Variants in SINHCAF observed in about 807,000 individuals in gnomAD.
SINHCAF encodes the protein SIN3-HDAC complex-associated factor.
Under a neutral mutation model 25.8 loss-of-function variants are expected in SINHCAF, and 3 were observed. The observed-to-expected ratio is 0.12, with a 90% CI of 0.05 to 0.30. SINHCAF has a LOEUF of 0.30. Ranked by LOEUF, SINHCAF falls within the 10% of genes least tolerant of loss-of-function variation. The pLI is 1.00. For missense variants in SINHCAF, 121 were observed against 262.3 expected, an observed-to-expected ratio of 0.46 and a Z score of 3.72; for synonymous variants, 70 against 85.5, an observed-to-expected ratio of 0.82 and a Z score of 1.00.
intron 4 of SINHCAF, among the ~76,000 whole-genome samples, chr12:31,288,069 C>G (rs1938150704): frequency 6.6e-6 from 1 of 152,058 alleles, no homozygotes; most frequent in Non-Finnish European, 1.5e-5. Context: ...TGATGATCAT[C>G]TAGGGAGCTC....
chr12:31,296,290 CTAG>C (rs1432586634), intron 2 of SINHCAF, among the ~76,000 whole-genome samples: 2 of 151,998 alleles, frequency 1.3e-5, no homozygotes, highest in African/African-American at 4.8e-5. Flanking sequence ...CTCAGCCTCC[CTAG>C]TAGCTGGGAC....
intron 5 of SINHCAF, among the ~76,000 whole-genome samples, chr12:31,284,706 C>T (rs1937961603): frequency 6.6e-6 from 1 of 152,124 alleles, no homozygotes; most frequent in Non-Finnish European, 1.5e-5. Context: ...ATTGAACAGA[C>T]CATTTTCGCC....
chr12:31,323,962 C>T (rs1288726136), intron 1 of SINHCAF: 3 of 455,934 alleles, frequency 6.6e-6, no homozygotes, highest in African/African-American at 2.0e-5. Flanking sequence ...AATCGTGCTT[C>T]CCCCTCGGGC....
At position 31,325,032 on chromosome 12, in the gene SINHCAF, G is replaced by A. The variant is rs1939902735; in HGVS notation, c.-21+992C>T. ...CGGACAAGGACCAGGGTCGCAGCCC[G>A]AAGCACGTGGTCTGTCACGTAGAGC... On this transcript the variant is annotated intron_variant, in intron 1 of 5. Transcript: ENST00000337682. The surrounding 1 kb of genome is among the most constrained non-coding windows in gnomAD (Gnocchi z 5.9). 2.2e-6 allele frequency: 1 copy of A among 456,710 alleles called. No homozygotes were observed. Among genetic ancestry groups the A allele is most frequent in the African/African-American group, 2.0e-5 (1 of 50,104 alleles). The allele number at this position is 456,710 out of a possible 1,614,324, so 28.3% of individuals were successfully genotyped here.
In SINHCAF at chr12:31,325,849, GTCTGAAGA is replaced by G. The variant is rs1390800371; in HGVS notation, c.-21+167_-21+174del. ...ACACGAGCGTACCAAAGAACCTGGG[GTCTGAAGA>G]TCACGAAAACAGCGCTCCCAACAAT... On this transcript the variant is annotated intron_variant, in intron 1 of 5. Transcript: ENST00000337682. This position sits in a 1 kb window ranked among gnomAD's most constrained non-coding sequence, Gnocchi z 5.9. The G allele has an allele frequency of 6.6e-6, 1 of 152,308 alleles. No individual in the cohort carries two copies. The highest frequency in any genetic ancestry group is 2.4e-5 in the African/African-American group (1 of 41,404). 9.4% of individuals were successfully genotyped at this position (152,308 alleles called of 1,614,324 possible).
chr12:31,303,297 T>C (rs990891595), intron 1 of SINHCAF: 1 of 893,622 alleles, frequency 1.1e-6, no homozygotes. Context: ...TCATGTCCTT[T>C]TGTCCTTCTG....
At chr12:31,302,926 C>G in intron 1 of SINHCAF, 1 of 985,222 alleles carries the variant, frequency 1.0e-6, no homozygotes, top group Non-Finnish European at 1.2e-6. Context: ...AGTTAATAGG[C>G]CATGGTTTTA....
At chr12:31,317,156 A>T in intron 1 of SINHCAF, among the ~76,000 whole-genome samples, 1 of 152,244 alleles carries the variant, frequency 6.6e-6, no homozygotes. Context: ...AGCAATAGTC[A>T]AACGTGGTAA....
rs78166089 is a variant in SINHCAF at position 31,291,827 on chromosome 12, T to C, written c.355+1978A>G. Among the ~76,000 whole-genome samples the C allele has an allele frequency of 5.0e-3, 750 of 151,028 alleles. 2 individuals are homozygous for C. Among genetic ancestry groups the C allele is most frequent in the Non-Finnish European group, 8.6e-3 (586 of 67,850 alleles). Reference sequence around the variant, plus strand: ...GAATACAGGCCTGGTATGTGCAGGATACACAGAAGCAAACACATAACCAGA... The same window carrying C: ...GAATACAGGCCTGGTATGTGCAGGACACACAGAAGCAAACACATAACCAGA... On this transcript the variant is annotated intron_variant, in intron 4 of 5. Transcript: ENST00000337682.
intron 1 of SINHCAF, chr12:31,311,726 C>A: frequency 1.9e-6 from 1 of 513,194 alleles, no homozygotes; most frequent in Non-Finnish European, 3.8e-6. Context: ...TTCATGTCTC[C>A]CAGTGACTTT....
rs768567569 is a variant in SINHCAF at position 31,325,009 on chromosome 12, G to A, written c.-21+1015C>T. ...CGGCTCACGCGGGGCTGGACATTCG[G>A]ACAAGGACCAGGGTCGCAGCCCGAA... On this transcript the variant is annotated intron_variant, in intron 1 of 5. Transcript: ENST00000337682. This position sits in a 1 kb window ranked among gnomAD's most constrained non-coding sequence, Gnocchi z 5.9. 8 of 456,686 alleles carry A rather than the reference G, an allele frequency of 1.8e-5. No homozygotes were observed. The highest frequency in any genetic ancestry group is 3.1e-5 in the Non-Finnish European group (7 of 226,998). The allele number at this position is 456,686 out of a possible 1,614,324, so 28.3% of individuals were successfully genotyped here. A position where few individuals can be genotyped will look rare whatever the true frequency, so the allele number is the denominator to read the frequency against.
intron 1 of SINHCAF, among the ~76,000 whole-genome samples, chr12:31,323,377 A>G (rs768888065): frequency 9.9e-5 from 15 of 152,222 alleles, no homozygotes; most frequent in Admixed American, 9.8e-4. Context: ...AGGTGCTTTC[A>G]GCGTACTCTG....
At chr12:31,294,426 G>C (rs1938464286) in intron 3 of SINHCAF, among the ~76,000 whole-genome samples, 1 of 152,166 alleles carries the variant, frequency 6.6e-6, no homozygotes, top group Non-Finnish European at 1.5e-5. Context: ...GAGGGGTGGA[G>C]AGGGGAGAAG....
rs117086528 is a variant in SINHCAF, at chr12:31,325,221, C to T, written c.-21+803G>A. ...CGCCCACACCTACGCTACAGGTGAACGCACCGGGAGCAAAACTTCGGGCTC... is the reference window on the plus strand; with the variant it reads ...CGCCCACACCTACGCTACAGGTGAATGCACCGGGAGCAAAACTTCGGGCTC... On this transcript the variant is annotated intron_variant, in intron 1 of 5. Transcript: ENST00000337682. This position sits in a 1 kb window ranked among gnomAD's most constrained non-coding sequence, Gnocchi z 5.9. 237 of 456,794 alleles carry T rather than the reference C, an allele frequency of 5.2e-4. 4 individuals carry two copies. In the Middle Eastern group the frequency reaches 6.8e-3, roughly 13 times the overall value. The allele number at this position is 456,794 out of a possible 1,614,324, so 28.3% of individuals were successfully genotyped here.
At chr12:31,323,871 T>C (rs956094829) in intron 1 of SINHCAF, 1 of 440,892 alleles carries the variant, frequency 2.3e-6, no homozygotes, top group Non-Finnish European at 4.6e-6. Context: ...GAGGAGGTGC[T>C]CGCCGCCCTC....
chr12:31,298,603 T>C (rs1424253253), intron 1 of SINHCAF: 2 of 246,590 alleles, frequency 8.1e-6, no homozygotes, highest in Non-Finnish European at 1.6e-5. Flanking sequence ...AAGACACACC[T>C]TTTTATTTTG....
At chr12:31,310,709 T>C (rs924234390) in intron 1 of SINHCAF, among the ~76,000 whole-genome samples, 8 of 152,124 alleles carry the variant, frequency 5.3e-5, no homozygotes, top group African/African-American at 1.9e-4. Flanking sequence ...ATCACCCAAA[T>C]TGTTTGGGAA....
At chr12:31,308,608 G>T (rs1251482187) in intron 1 of SINHCAF, among the ~76,000 whole-genome samples, 1 of 152,158 alleles carries the variant, frequency 6.6e-6, no homozygotes, top group Non-Finnish European at 1.5e-5. Context: ...CAGAGCAAAG[G>T]AGGAGGTATG....
intron 1 of SINHCAF, among the ~76,000 whole-genome samples, chr12:31,321,835 T>C (rs1198187449): frequency 6.6e-6 from 1 of 152,198 alleles, no homozygotes; most frequent in Non-Finnish European, 1.5e-5. Context: ...ATAAGAGCCC[T>C]GTATAGTTGG....
Sources: allele counts gnomAD v4.1 joint callset (sites outside exome capture counted in the v4.1 genomes callset), GRCh38; gene constraint gnomAD v4.1.1; non-coding constraint Gnocchi (gnomAD v3.1); transcripts MANE v1.5; gene names NCBI Gene and HGNC (gene_info 2026-07-23, HGNC 2026-07-21).